GHR: variants seen among roughly 807,000 people sequenced by gnomAD.
GHR encodes the protein GH receptor.
A neutral mutation model predicts 67.1 loss-of-function variants in GHR; 35 were observed. The observed-to-expected ratio is 0.52, with a 90% confidence interval of 0.40 to 0.69. GHR has a LOEUF of 0.69. Among genes scored for constraint, GHR ranks in the 30% least tolerant of loss-of-function variants. The pLI is 0.00. For synonymous variants in GHR, 272 were observed against 269.1 expected (o/e 1.01, Z -0.10); for missense variants, 792 against 764.6 (o/e 1.04, Z -0.42).
At chr5:42,608,596 G>T (rs1010705138) in intron 2 of GHR, among the ~76,000 whole-genome samples, 1 of 152,004 alleles carries the variant, frequency 6.6e-6, no homozygotes, top group Admixed American at 6.6e-5. Context: ...TTTGTGGATT[G>T]TTGTCAAAGA....
In GHR at chr5:42,634,503, G is replaced by A. The variant is rs569921274; in HGVS notation, c.136+5400G>A. ...ACTTGACATATGCTGAGTATTTCAC[G>A]GATGGTTATTGAATTTTGCACACAC... On this transcript the variant is annotated intron_variant, in intron 3 of 9. Transcript: ENST00000230882. 2.6e-4 allele frequency among the ~76,000 whole-genome samples: 39 copies of A among 147,344 alleles called. 2 individuals carry two copies. In the South Asian group the frequency reaches 7.4e-3, roughly 28 times the overall value.
chr5:42,641,041 A>T (rs1754446530), intron 3 of GHR, among the ~76,000 whole-genome samples: 1 of 152,114 alleles, frequency 6.6e-6, no homozygotes, highest in Non-Finnish European at 1.5e-5. Flanking sequence ...AATTGCTTCA[A>T]ATTCTTTACT....
intron 3 of GHR, among the ~76,000 whole-genome samples, chr5:42,669,599 T>C (rs575858314): frequency 6.6e-6 from 1 of 152,294 alleles, no homozygotes; most frequent in East Asian, 1.9e-4. Flanking sequence ...CACAAGGCTC[T>C]AGTGGTAGCA....
chr5:42,474,886 C>CTTTTTTTTTTTTTTTTTTTTTT (rs577382742), intron 1 of GHR, among the ~76,000 whole-genome samples: 1 of 122,190 alleles, frequency 8.2e-6, no homozygotes, highest in Non-Finnish European at 1.7e-5. Flanking sequence ...TTTTTTTGCC[C>CTTTTTTTTTTTTTTTTTTTTTT]TTTTTTTTTT....
Position 42,699,296 on chromosome 5 carries a change from C to A in GHR, c.440-528C>A, listed in dbSNP as rs767688272. On this transcript the variant is annotated intron_variant, in intron 5 of 9. Coordinates refer to ENST00000230882, the MANE Select transcript of GHR (RefSeq NM_000163.5). ...TGTTATATCTTGAAAGTACAGCTGA[C>A]GGAATCTGACGGAATATGGATTAGT... is the stretch of plus-strand genomic sequence containing the variant. Among the ~76,000 whole-genome samples, 8 of 147,722 alleles carry A rather than the reference C, an allele frequency of 5.4e-5. No individual in the cohort carries two copies. In the Admixed American group the frequency reaches 5.5e-4, roughly 10 times the overall value.
intron 1 of GHR, among the ~76,000 whole-genome samples, chr5:42,481,197 A>G (rs975149349): frequency 1.3e-5 from 2 of 152,164 alleles, no homozygotes; most frequent in Admixed American, 6.5e-5. Flanking sequence ...CTTTTCTTTA[A>G]GAATGTTGAA....
rs1742785594 is a variant in GHR, at chr5:42,424,960, G to T, written c.-12+1005G>T. 1.0e-6 allele frequency: 1 copy of T among 981,334 alleles called. No individual in the cohort carries two copies. The highest frequency in any genetic ancestry group is 1.2e-6 in the Non-Finnish European group (1 of 826,292). The allele number at this position is 981,334 out of a possible 1,614,324, so 60.8% of individuals were successfully genotyped here. A position where few individuals can be genotyped will look rare whatever the true frequency, so the allele number is the denominator to read the frequency against. ...GCGTGTCGGCGCCTGAGCCAGTAGG[G>T]TGTGCAGGGTGGAAGAGGCCACAGA... On this transcript the variant is annotated intron_variant, in intron 1 of 9. Coordinates refer to ENST00000230882, the MANE Select transcript of GHR (RefSeq NM_000163.5). The surrounding 1 kb of genome is among the most constrained non-coding windows in gnomAD (Gnocchi z 4.1).
At chr5:42,487,630 G>A (rs914171997) in intron 1 of GHR, among the ~76,000 whole-genome samples, 1 of 151,932 alleles carries the variant, frequency 6.6e-6, no homozygotes, top group South Asian at 2.1e-4. Flanking sequence ...TTACTCAGTG[G>A]GCCATATTTC....
chr5:42,719,158 A>G lies in GHR; in HGVS notation c.1651A>G (p.Lys551Glu), dbSNP rs764019193. 3.1e-6 allele frequency: 5 copies of G among 1,613,990 alleles called. No homozygotes were observed. The highest frequency in any genetic ancestry group is 3.4e-6 in the Non-Finnish European group (4 of 1,180,004). Residue 551 changes from lysine (K) to glutamate (E), a missense_variant, in exon 10 of 10, where the codon AAG becomes GAG. By Grantham distance (56) the Lys-to-Glu change is moderately conservative (BLOSUM62 1). Transcript: ENST00000230882. ...KKCIPVAPHI[K>E]VESHIQPSLN... ...GTGCATCCCTGTGGCTCCTCACATCAAGGTTGAATCACACATACAGCCAAG... is the reference window on the plus strand; with the variant it reads ...GTGCATCCCTGTGGCTCCTCACATCGAGGTTGAATCACACATACAGCCAAG...
intron 3 of GHR, among the ~76,000 whole-genome samples, chr5:42,685,458 C>T (rs1343457176): frequency 1.3e-5 from 2 of 152,156 alleles, no homozygotes; most frequent in Non-Finnish European, 2.9e-5. Context: ...GGTATATACC[C>T]AGTGATGGGA....
chr5:42,515,071 G>C (rs896853841), intron 1 of GHR: 1 of 152,192 alleles, frequency 6.6e-6, no homozygotes, highest in African/African-American at 2.4e-5. Flanking sequence ...GCAGTGTCTT[G>C]AGCATAGTAG....
chr5:42,636,102 T>C (rs915736329), intron 3 of GHR, among the ~76,000 whole-genome samples: 7 of 147,094 alleles, frequency 4.8e-5, no homozygotes, highest in Non-Finnish European at 1.0e-4. Context: ...CCCAGCTACT[T>C]GGGAGGCTGA....
At chr5:42,466,087 T>A (rs1218041257) in intron 1 of GHR, 1 of 351,226 alleles carries the variant, frequency 2.8e-6, no homozygotes, top group Non-Finnish European at 5.3e-6. Context: ...GTTGGTTGCA[T>A]CTTACCCAAA....
chr5:42,681,044 G>A (rs1756840444), intron 3 of GHR, among the ~76,000 whole-genome samples: 1 of 152,032 alleles, frequency 6.6e-6, no homozygotes, highest in African/African-American at 2.4e-5. Context: ...TCAGGAAATA[G>A]GCATGGGCAA....
intron 1 of GHR, among the ~76,000 whole-genome samples, chr5:42,560,028 A>T (rs777366704): frequency 6.6e-6 from 1 of 152,140 alleles, no homozygotes; most frequent in East Asian, 1.9e-4. Context: ...TACTCTTCCC[A>T]TATATTAATT....
chr5:42,424,462 G>C lies in GHR; in HGVS notation c.-12+507G>C. On this transcript the variant is annotated intron_variant, in intron 1 of 9. Transcript: ENST00000230882. This position sits in a 1 kb window ranked among gnomAD's most constrained non-coding sequence, Gnocchi z 4.1. ...CCCGGCAGCGCGACTGGAGAGACTG[G>C]GGAGGTCGAGCTGTGCGCGTGGACA... 1.3e-6 allele frequency: 1 copy of C among 742,756 alleles called. No homozygotes were observed. Among genetic ancestry groups the C allele is most frequent in the Non-Finnish European group, 2.3e-6 (1 of 434,234 alleles). 46.0% of individuals were successfully genotyped at this position (742,756 alleles called of 1,614,324 possible).
intron 1 of GHR, among the ~76,000 whole-genome samples, chr5:42,560,874 T>C (rs1044915705): frequency 1.3e-5 from 2 of 152,200 alleles, no homozygotes; most frequent in South Asian, 2.1e-4. Flanking sequence ...CCAAATCTTA[T>C]CAATACTTCT....
At chr5:42,504,916 GA>G (rs1287007569) in intron 1 of GHR, among the ~76,000 whole-genome samples, 1 of 152,146 alleles carries the variant, frequency 6.6e-6, no homozygotes, top group Non-Finnish European at 1.5e-5. Flanking sequence ...CTTTAAATGT[GA>G]AAAGAAGAGA....
At chr5:42,674,454 A>G (rs1471570056) in intron 3 of GHR, among the ~76,000 whole-genome samples, 1 of 152,148 alleles carries the variant, frequency 6.6e-6, no homozygotes, top group African/African-American at 2.4e-5. Context: ...CTAACTCTAG[A>G]ACATTTTCAT....
Sources: allele counts gnomAD v4.1 joint callset (sites outside exome capture counted in the v4.1 genomes callset), GRCh38; gene constraint gnomAD v4.1.1; non-coding constraint Gnocchi (gnomAD v3.1); transcripts MANE v1.5; gene names NCBI Gene and HGNC (gene_info 2026-07-23, HGNC 2026-07-21).